The following RAB31 variants were observed in gnomAD, a reference collection of about 807,000 sequenced individuals.
The protein encoded by RAB31 is ras-related protein Rab-31.
A neutral mutation model predicts 25.6 loss-of-function variants in RAB31; 21 were observed. That is an observed-to-expected ratio of 0.82 (90% CI 0.58 to 1.18). The LOEUF is 1.18. Among genes scored for constraint, RAB31 ranks in the 50% most tolerant of loss-of-function variants. RAB31 has a pLI of 0.00. For synonymous variants in RAB31, 87 were observed against 84.0 expected, an observed-to-expected ratio of 1.04 and a Z score of -0.20; for missense variants, 196 against 250.1, an observed-to-expected ratio of 0.78 and a Z score of 1.46.
chr18:9,729,542 T>C (rs895813721), intron 1 of RAB31, among the ~76,000 whole-genome samples: 1 of 145,694 alleles, frequency 6.9e-6, no homozygotes, highest in African/African-American at 2.6e-5. Context: ...AAAAAAAAAG[T>C]GTTTAGCTAT....
intron 3 of RAB31, among the ~76,000 whole-genome samples, chr18:9,796,148 T>A (rs1420162845): frequency 6.6e-6 from 1 of 152,212 alleles, no homozygotes; most frequent in African/African-American, 2.4e-5. Context: ...AAACATCGTA[T>A]GTTATCATTC....
chr18:9,857,881 T>G (rs1041023352), intron 6 of RAB31, among the ~76,000 whole-genome samples: 1 of 151,152 alleles, frequency 6.6e-6, no homozygotes, highest in Non-Finnish European at 1.5e-5. Flanking sequence ...AAAAAAAAAT[T>G]TATCGGGGCA....
intron 2 of RAB31, chr18:9,787,579 A>G (rs1370190709): frequency 5.6e-6 from 1 of 179,512 alleles, no homozygotes; most frequent in Non-Finnish European, 1.3e-5. Context: ...CAGGTGGTCC[A>G]TACTGGAGAG....
intron 3 of RAB31, among the ~76,000 whole-genome samples, chr18:9,802,255 A>G (rs542587930): frequency 6.6e-6 from 1 of 152,322 alleles, no homozygotes; most frequent in Admixed American, 6.5e-5. Context: ...GACTTTGTAG[A>G]TGACTTTGGG....
At chr18:9,764,945 CT>C (rs745383493) in intron 1 of RAB31, among the ~76,000 whole-genome samples, 35 of 126,094 alleles carry the variant, frequency 2.8e-4, no homozygotes, top group Admixed American at 2.4e-3. Flanking sequence ...CCACCTTTTT[CT>C]TTCTTTCTTT....
rs1463401858 is a variant in RAB31 at position 9,845,583 on chromosome 18, G to A, written c.382G>A (p.Glu128Lys). 2 of 1,534,794 alleles carry A rather than the reference G, an allele frequency of 1.3e-6. No individual in the cohort carries two copies. The highest frequency in any genetic ancestry group is 1.7e-4 in the Middle Eastern group (1 of 5,902). The change falls in exon 6 of 7, where the codon GAG (glutamate) becomes AAG (lysine). Residue 128 changes from glutamate (E) to lysine (K), a missense_variant and splice_region_variant. Transcript: ENST00000578921. ...GTCTACATTTGACCTCTTTTCCAGG[G>A]AGGTTCCCCTGAAGGATGCTAAGGA... is the stretch of plus-strand genomic sequence containing the variant. Reference protein sequence around the residue: ...GNKCDLSDIREVPLKDAKEYA... With the variant: ...GNKCDLSDIRKVPLKDAKEYA...
At chr18:9,727,868 A>G (rs932224298) in intron 1 of RAB31, among the ~76,000 whole-genome samples, 2 of 152,232 alleles carry the variant, frequency 1.3e-5, no homozygotes, top group African/African-American at 4.8e-5. Flanking sequence ...TTATGAAATG[A>G]TTACCACAGT....
chr18:9,778,814 C>T (rs957274890), intron 2 of RAB31, among the ~76,000 whole-genome samples: 4 of 152,182 alleles, frequency 2.6e-5, no homozygotes, highest in African/African-American at 9.7e-5. Flanking sequence ...CTGCTAATAC[C>T]TGACCATTGA....
At chr18:9,735,519 C>T (rs1032713834) in intron 1 of RAB31, 6 of 199,028 alleles carry the variant, frequency 3.0e-5, no homozygotes, top group African/African-American at 1.2e-4. Context: ...ACAGCCTCCA[C>T]GGTGCTTCCG....
At chr18:9,770,937 A>C (rs1415068886) in intron 1 of RAB31, among the ~76,000 whole-genome samples, 2 of 144,732 alleles carry the variant, frequency 1.4e-5, no homozygotes, top group African/African-American at 5.2e-5. Flanking sequence ...CTGAGGCCGG[A>C]GGATCATTTG....
intron 1 of RAB31, chr18:9,774,968 C>T (rs1241679801): frequency 5.7e-6 from 3 of 528,588 alleles, no homozygotes; most frequent in Non-Finnish European, 1.1e-5. Flanking sequence ...AGAGCCCTCC[C>T]AAGATTTCAG....
chr18:9,815,317 G>A (rs1255805605), intron 5 of RAB31, 95 bp downstream of exon 5: 7 of 457,494 alleles, frequency 1.5e-5, no homozygotes, highest in East Asian at 1.0e-4. Context: ...AGTGTCATCC[G>A]TGTAGATGCT....
intron 6 of RAB31, 138 bp downstream of exon 6, chr18:9,845,829 C>G (rs2068759126): frequency 7.6e-7 from 1 of 1,322,518 alleles, no homozygotes; most frequent in African/African-American, 1.5e-5. Context: ...AAATCTACAG[C>G]TATGCAGTTG....
chr18:9,823,074 C>T (rs1166540497), intron 5 of RAB31, among the ~76,000 whole-genome samples: 2 of 152,198 alleles, frequency 1.3e-5, no homozygotes, highest in Non-Finnish European at 2.9e-5. Context: ...GACTACTACT[C>T]AGCACTAAAA....
rs780648294 is a variant in RAB31, at chr18:9,792,249, G to A, written c.201+14G>A. On this transcript the variant is annotated intron_variant, in intron 3 of 6. Transcript: ENST00000578921. Reference sequence around the variant, plus strand: ...GGTCAGGAACGGGTGAGTATATGCTGTTTTTTGGTGAAAACAAGATCCAGT... The same window carrying A: ...GGTCAGGAACGGGTGAGTATATGCTATTTTTTGGTGAAAACAAGATCCAGT... 1.2e-6 allele frequency: 2 copies of A among 1,604,648 alleles called. No homozygotes were observed. Among genetic ancestry groups the A allele is most frequent in the East Asian group, 2.2e-5 (1 of 44,700 alleles).
intron 3 of RAB31, among the ~76,000 whole-genome samples, chr18:9,792,600 A>G (rs969357299): frequency 2.6e-5 from 4 of 152,106 alleles, no homozygotes; most frequent in African/African-American, 7.2e-5. Flanking sequence ...CTCTACACCT[A>G]CCTTCAGCCT....
intron 1 of RAB31, among the ~76,000 whole-genome samples, chr18:9,762,043 GGTGATCCA>G (rs894639346): frequency 6.6e-6 from 1 of 152,086 alleles, no homozygotes; most frequent in African/African-American, 2.4e-5. Context: ...CCTGAGCTCA[GGTGATCCA>G]CCTGCCTCGG....
At chr18:9,804,879 T>C (rs2867814) in intron 3 of RAB31, among the ~76,000 whole-genome samples, 144,192 of 152,020 alleles carry the variant, frequency 0.95, 68,684 homozygotes, top group Non-Finnish European at 1. Flanking sequence ...TTCACTTTCT[T>C]TTTTTGTTTC....
chr18:9,787,485 A>T, intron 2 of RAB31: 1 of 179,460 alleles, frequency 5.6e-6, no homozygotes, highest in Non-Finnish European at 1.3e-5. Context: ...AACTTGCAAG[A>T]CATTGGAGAA....
Sources: gnomAD v4.1 joint callset for allele counts (sites outside exome capture counted in the v4.1 genomes callset) on GRCh38, gnomAD v4.1.1 for gene constraint, MANE v1.5 for transcripts, NCBI Gene and HGNC (gene_info 2026-07-23, HGNC 2026-07-21) for gene names.